Variants in ATG10 observed in about 807,000 individuals in gnomAD.
ATG10 encodes autophagy related 10.
In ATG10, 30 loss-of-function variants were observed where a neutral mutation model predicts 32.1. The ratio of observed to expected loss-of-function variants is 0.94; its 90% CI spans 0.70 to 1.27. ATG10 has a LOEUF of 1.27. ATG10 is among the 50% of genes most tolerant of loss of function. The pLI is 0.00. For missense variants in ATG10, 233 were observed against 262.3 expected, an observed-to-expected ratio of 0.89 and a Z score of 0.77; for synonymous variants, 87 against 91.5, an observed-to-expected ratio of 0.95 and a Z score of 0.28.
chr5:82,017,211 G>T (rs765519503), intron 2 of ATG10, among the ~76,000 whole-genome samples: 5 of 151,294 alleles, frequency 3.3e-5, no homozygotes, highest in Non-Finnish European at 5.9e-5. Flanking sequence ...TTGATTCTCA[G>T]CTTGGCTGCT....
chr5:81,979,939 G>A (rs1561235858), intron 1 of ATG10, among the ~76,000 whole-genome samples: 3 of 151,214 alleles, frequency 2.0e-5, no homozygotes, highest in Non-Finnish European at 1.5e-5. Flanking sequence ...TTGGACCTGT[G>A]TTCTTTGTCC....
intron 1 of ATG10, 155 bp downstream of exon 1, chr5:81,972,461 C>T (rs1671163049): frequency 1.3e-5 from 2 of 152,348 alleles, no homozygotes; most frequent in Admixed American, 1.3e-4. Flanking sequence ...GGGTCCCCGC[C>T]GGTAACTGCA....
chr5:82,014,560 A>T (rs1427104846), intron 2 of ATG10, among the ~76,000 whole-genome samples: 1 of 152,188 alleles, frequency 6.6e-6, no homozygotes, highest in Admixed American at 6.5e-5. Flanking sequence ...TTCTTGTTGA[A>T]TTGATCCCTT....
At chr5:82,253,261 C>A in intron 6 of ATG10, 53 bp from the exon 7 acceptor site, 2 of 1,268,176 alleles carry the variant, frequency 1.6e-6, no homozygotes, top group Non-Finnish European at 2.3e-6. Context: ...TACCATTCAT[C>A]CAAAAACTAC....
chr5:82,202,404 CTT>C (rs1745101853), intron 5 of ATG10, among the ~76,000 whole-genome samples: 1 of 152,166 alleles, frequency 6.6e-6, no homozygotes, highest in Non-Finnish European at 1.5e-5. Flanking sequence ...CTTTTGGACT[CTT>C]AAAAACAACT....
intron 5 of ATG10, among the ~76,000 whole-genome samples, chr5:82,237,857 C>G (rs1049290111): frequency 2.0e-5 from 3 of 152,148 alleles, no homozygotes; most frequent in African/African-American, 7.2e-5. Context: ...TCATTTGACT[C>G]AAGATCTCTC....
chr5:81,972,825 A>G (rs1760763217), intron 1 of ATG10, among the ~76,000 whole-genome samples: 1 of 152,182 alleles, frequency 6.6e-6, no homozygotes, highest in Non-Finnish European at 1.5e-5. Flanking sequence ...GAGAATGATA[A>G]AGGAATAGTT....
At chr5:82,254,004 A>C (rs1747366045) in intron 7 of ATG10, 64 bp from the exon 8 acceptor site, 1 of 152,456 alleles carries the variant, frequency 6.6e-6, no homozygotes, top group South Asian at 2.1e-4. Flanking sequence ...GATATTCTTA[A>C]ATAAGTCTTT....
At chr5:82,199,703 C>T (rs1744992271) in intron 5 of ATG10, among the ~76,000 whole-genome samples, 1 of 152,022 alleles carries the variant, frequency 6.6e-6, no homozygotes, top group South Asian at 2.1e-4. Flanking sequence ...TTTTGGCAGA[C>T]AGTTCCATAA....
chr5:81,973,077 A>G (rs1186678323), intron 1 of ATG10: 3 of 152,242 alleles, frequency 2.0e-5, no homozygotes, highest in African/African-American at 7.2e-5. Context: ...GAGAGAAAAA[A>G]ATACAGTACT....
chr5:82,238,315 C>T (rs1166669053), intron 5 of ATG10, among the ~76,000 whole-genome samples: 2 of 152,200 alleles, frequency 1.3e-5, no homozygotes, highest in Non-Finnish European at 2.9e-5. Context: ...CGCAGCTTTT[C>T]CTGGTCGCAG....
chr5:81,986,963 A>C (rs1472764802), intron 1 of ATG10, among the ~76,000 whole-genome samples: 4 of 152,094 alleles, frequency 2.6e-5, no homozygotes, highest in Non-Finnish European at 5.9e-5. Flanking sequence ...CAATCACTTG[A>C]ACCTGGAAGA....
At chr5:82,058,370 T>G in intron 2 of ATG10, 125 bp from the exon 3 acceptor site, 1 of 666,438 alleles carries the variant, frequency 1.5e-6, no homozygotes. Flanking sequence ...TTTATCCATA[T>G]AGTCTCATTT....
intron 3 of ATG10, among the ~76,000 whole-genome samples, chr5:82,108,027 G>C (rs1344264264): frequency 6.6e-6 from 1 of 152,018 alleles, no homozygotes; most frequent in African/African-American, 2.4e-5. Context: ...TATGTACTGG[G>C]AGGTGAGGTC....
chr5:81,993,391 T>TC lies in ATG10; in HGVS notation c.108+5713_108+5714insC, dbSNP rs1354954118. Among the ~76,000 whole-genome samples, 22 of 119,900 alleles carry TC rather than the reference T, an allele frequency of 1.8e-4. 1 individual carries two copies. The highest frequency in any genetic ancestry group is 7.4e-4 in the African/African-American group (19 of 25,522). The allele number at this position is 119,900 out of a possible 152,430, so 78.7% of individuals were successfully genotyped here. ...TTCTTTTCTTTTCTTTTCTTTTCTT[T>TC]TTTTTTCTTTTCTTTTCTTTTCTTT... On this transcript the variant is annotated intron_variant, in intron 2 of 7. Coordinates refer to ENST00000282185, the MANE Select transcript of ATG10 (RefSeq NM_031482.5).
chr5:82,086,906 A>T (rs116262737), intron 3 of ATG10, among the ~76,000 whole-genome samples: 3,167 of 152,310 alleles, frequency 0.021, 46 homozygotes, highest in Non-Finnish European at 0.029. Context: ...TTATGAGTAA[A>T]AATATTTTAT....
At chr5:82,025,146 T>A (rs988035364) in intron 2 of ATG10, among the ~76,000 whole-genome samples, 6 of 152,242 alleles carry the variant, frequency 3.9e-5, no homozygotes, top group African/African-American at 1.4e-4. Context: ...TTAGTGCTAC[T>A]AAAAATCATG....
intron 4 of ATG10, among the ~76,000 whole-genome samples, chr5:82,168,941 T>C (rs1307097243): frequency 2.0e-5 from 3 of 152,120 alleles, no homozygotes; most frequent in African/African-American, 7.2e-5. Flanking sequence ...AGAATATCCA[T>C]AGCTCTGTCC....
At chr5:82,012,965 T>A (rs1320867661) in intron 2 of ATG10, among the ~76,000 whole-genome samples, 1 of 137,480 alleles carries the variant, frequency 7.3e-6, no homozygotes, top group Non-Finnish European at 1.6e-5. Context: ...TCTTTCATTC[T>A]TTTTTTTTTT....
Sources: allele counts gnomAD v4.1 joint callset (sites outside exome capture counted in the v4.1 genomes callset), GRCh38; gene constraint gnomAD v4.1.1; transcripts MANE v1.5; gene names NCBI Gene and HGNC (gene_info 2026-07-23, HGNC 2026-07-21).